EYS: variants seen among roughly 807,000 people sequenced by gnomAD.
EYS encodes protein eyes shut homolog.
In EYS, 250 loss-of-function variants were observed where a neutral mutation model predicts 282.1. The observed-to-expected ratio is 0.89, with a 90% CI of 0.80 to 0.98. EYS has a LOEUF of 0.98. Ranked by LOEUF, EYS falls within the 50% of genes least tolerant of loss-of-function variation. The pLI is 0.00. For missense variants in EYS, 4,016 were observed against 3,709.0 expected, an observed-to-expected ratio of 1.08 and a Z score of -2.15; for synonymous variants, 1,355 against 1,282.9, an observed-to-expected ratio of 1.06 and a Z score of -1.20.
At chr6:65,371,176 C>G (rs748340598) in intron 8 of EYS, among the ~76,000 whole-genome samples, 1 of 151,770 alleles carries the variant, frequency 6.6e-6, no homozygotes, top group Non-Finnish European at 1.5e-5. Flanking sequence ...ACTCCTTTTT[C>G]TTGTCATTAT....
At chr6:64,728,457 C>A (rs1285586796) in intron 22 of EYS, among the ~76,000 whole-genome samples, 2 of 152,110 alleles carry the variant, frequency 1.3e-5, no homozygotes, top group East Asian at 3.9e-4. Flanking sequence ...GCCTTAGCCT[C>A]CTGAGTAGCT....
At chr6:64,450,208 C>T (rs145243403) in intron 26 of EYS, among the ~76,000 whole-genome samples, 3,343 of 151,952 alleles carry the variant, frequency 0.022, 137 homozygotes, top group African/African-American at 0.075. Flanking sequence ...GGTTGCAATC[C>T]TAGTCTCTGA....
chr6:64,971,219 G>A (rs59501225), intron 14 of EYS, among the ~76,000 whole-genome samples: 1,814 of 152,042 alleles, frequency 0.012, 37 homozygotes, highest in African/African-American at 0.041. Context: ...CAGCAGCAGA[G>A]TTCCCAGATG....
chr6:63,866,892 A>G (rs1464232774), intron 35 of EYS, among the ~76,000 whole-genome samples: 3 of 152,104 alleles, frequency 2.0e-5, no homozygotes, highest in African/African-American at 7.2e-5. Flanking sequence ...GTTCCAAAAG[A>G]CTTCTTGGAG....
At chr6:64,406,002 G>A (rs1235594563) in intron 28 of EYS, among the ~76,000 whole-genome samples, 1 of 152,042 alleles carries the variant, frequency 6.6e-6, no homozygotes, top group Non-Finnish European at 1.5e-5. Context: ...ATATAGCCAA[G>A]ACAATGTGAA....
chr6:64,627,321 A>G (rs891634020), intron 22 of EYS, among the ~76,000 whole-genome samples: 1 of 152,214 alleles, frequency 6.6e-6, no homozygotes, highest in Admixed American at 6.5e-5. Context: ...GAGTATACGC[A>G]AGGGCAAGAA....
intron 14 of EYS, among the ~76,000 whole-genome samples, chr6:64,979,190 T>G (rs1583353416): frequency 1.3e-5 from 2 of 151,838 alleles, no homozygotes; most frequent in Non-Finnish European, 2.9e-5. Context: ...GCTTTATTGC[T>G]ATATTCGCTT....
chr6:63,895,438 C>T (rs1033321011), intron 35 of EYS, among the ~76,000 whole-genome samples: 6 of 152,152 alleles, frequency 3.9e-5, no homozygotes, highest in Non-Finnish European at 8.8e-5. Context: ...GAAATTATCA[C>T]AGCTAGTTAG....
At chr6:64,744,062 A>G (rs781089019) in intron 22 of EYS, among the ~76,000 whole-genome samples, 6 of 152,158 alleles carry the variant, frequency 3.9e-5, no homozygotes, top group Non-Finnish European at 5.9e-5. Flanking sequence ...TTGATGAAAT[A>G]TGTGGCTTAA....
intron 22 of EYS, among the ~76,000 whole-genome samples, chr6:64,732,844 T>A (rs181054825): frequency 0.02 from 3,018 of 152,184 alleles, 95 homozygotes; most frequent in East Asian, 0.15. Context: ...CCAAATCTGA[T>A]TGTTCAGGAG....
At chr6:63,994,279 C>A (rs955673653) in intron 34 of EYS, among the ~76,000 whole-genome samples, 1 of 152,004 alleles carries the variant, frequency 6.6e-6, no homozygotes, top group African/African-American at 2.4e-5. Context: ...AATTCTGATA[C>A]ATCAGTCTAG....
chr6:65,306,975 G>A (rs1460696593), intron 11 of EYS, among the ~76,000 whole-genome samples: 2 of 139,618 alleles, frequency 1.4e-5, no homozygotes, highest in African/African-American at 5.2e-5. Flanking sequence ...AAGTTTGGGA[G>A]TATGCGTCTA....
At chr6:63,949,377 A>G (rs1765496841) in intron 35 of EYS, among the ~76,000 whole-genome samples, 2 of 152,146 alleles carry the variant, frequency 1.3e-5, no homozygotes, top group African/African-American at 4.8e-5. Flanking sequence ...TCTTCCTGCC[A>G]TACTTTTGTA....
At chr6:65,389,545 G>A (rs1765929429) in intron 7 of EYS, among the ~76,000 whole-genome samples, 1 of 152,128 alleles carries the variant, frequency 6.6e-6, no homozygotes. Flanking sequence ...CTATTGAAAT[G>A]TTCCAGCTGA....
chr6:65,503,795 T>A (rs1191647245), intron 2 of EYS, among the ~76,000 whole-genome samples: 4 of 151,760 alleles, frequency 2.6e-5, no homozygotes, highest in African/African-American at 9.7e-5. Context: ...TTGGACTATC[T>A]ATTCTGTTCC....
intron 12 of EYS, among the ~76,000 whole-genome samples, chr6:65,079,675 T>C (rs1774169674): frequency 6.6e-6 from 1 of 152,152 alleles, no homozygotes; most frequent in East Asian, 1.9e-4. Context: ...GTAATGTTTT[T>C]ATTGGATAGC....
chr6:65,245,343 A>C (rs1162045949), intron 12 of EYS, among the ~76,000 whole-genome samples: 1 of 152,216 alleles, frequency 6.6e-6, no homozygotes, highest in Non-Finnish European at 1.5e-5. Context: ...TTTTCCAAAA[A>C]TGTAATCAGT....
At chr6:64,804,137 T>G (rs1025940756) in intron 22 of EYS, among the ~76,000 whole-genome samples, 4 of 152,182 alleles carry the variant, frequency 2.6e-5, no homozygotes, top group Non-Finnish European at 5.9e-5. Flanking sequence ...GGTATGTAAT[T>G]TATTACAATA....
chr6:64,682,253 A>G (rs1769928304), intron 22 of EYS, among the ~76,000 whole-genome samples: 2 of 152,146 alleles, frequency 1.3e-5, no homozygotes, highest in South Asian at 4.1e-4. Flanking sequence ...CTGTAGTCCC[A>G]GCTACTCCGG....
Sources: gnomAD v4.1 joint callset for allele counts (sites outside exome capture counted in the v4.1 genomes callset) on GRCh38, gnomAD v4.1.1 for gene constraint, MANE v1.5 for transcripts, NCBI Gene and HGNC (gene_info 2026-07-23, HGNC 2026-07-21) for gene names.